EPB41L4A: variants seen among roughly 807,000 people sequenced by gnomAD.
EPB41L4A encodes the protein erythrocyte membrane protein band 4.1 like 4A.
A neutral mutation model predicts 108.6 loss-of-function variants in EPB41L4A; 100 were observed. The observed-to-expected ratio is 0.92, with a 90% confidence interval of 0.78 to 1.09. EPB41L4A has a LOEUF of 1.09. Among genes scored for constraint, EPB41L4A ranks in the 50% least tolerant of loss-of-function variants. EPB41L4A has a pLI of 0.00. For synonymous variants in EPB41L4A, 319 were observed against 289.0 expected (o/e 1.10, Z -1.05); for missense variants, 1,030 against 842.7 (o/e 1.22, Z -2.75).
intron 1 of EPB41L4A, among the ~76,000 whole-genome samples, chr5:112,345,880 A>T (rs1757629536): frequency 6.6e-6 from 1 of 151,714 alleles, no homozygotes; most frequent in Non-Finnish European, 1.5e-5. Flanking sequence ...ATACTACTAC[A>T]TTTTCCAAAT....
chr5:112,408,786 A>G (rs984987180), intron 1 of EPB41L4A, among the ~76,000 whole-genome samples: 1 of 150,876 alleles, frequency 6.6e-6, no homozygotes, highest in Non-Finnish European at 1.5e-5. Flanking sequence ...AATGAACACA[A>G]TAAGATGCTA....
At chr5:112,207,323 A>G (rs1648812937) in intron 13 of EPB41L4A, among the ~76,000 whole-genome samples, 1 of 152,236 alleles carries the variant, frequency 6.6e-6, no homozygotes, top group Admixed American at 6.5e-5. Context: ...CTATGAAAAT[A>G]CATCTTAGAA....
At chr5:112,148,035 A>G (rs1225337384) in intron 12 of EPB41L4A, among the ~76,000 whole-genome samples, 1 of 151,318 alleles carries the variant, frequency 6.6e-6, no homozygotes, top group Non-Finnish European at 1.5e-5. Flanking sequence ...TGAAAAAACA[A>G]AAATAAATTA....
intron 12 of EPB41L4A, among the ~76,000 whole-genome samples, chr5:112,216,374 ATTCC>A (rs1261488343): frequency 2.6e-5 from 4 of 152,230 alleles, no homozygotes; most frequent in African/African-American, 9.6e-5. Flanking sequence ...AAATGTTGCC[ATTCC>A]TTTTAATTTT....
chr5:112,276,089 A>C lies in EPB41L4A; in HGVS notation c.257-685T>G, dbSNP rs765404356. Reference sequence around the variant, plus strand: ...TTCTATCCTTAAACTAATTCATTAGAATTTTCTTATGATAACTCTTACCTT... The same window carrying C: ...TTCTATCCTTAAACTAATTCATTAGCATTTTCTTATGATAACTCTTACCTT... On this transcript the variant is annotated intron_variant, in intron 3 of 22. Transcript: ENST00000261486. 3.3e-5 allele frequency among the ~76,000 whole-genome samples: 5 copies of C among 152,346 alleles called. No homozygotes were observed. The Middle Eastern group carries it at 0.01, about 311-fold the overall frequency.
chr5:112,350,590 A>G (rs1464134197), intron 1 of EPB41L4A, among the ~76,000 whole-genome samples: 1 of 152,180 alleles, frequency 6.6e-6, no homozygotes, highest in African/African-American at 2.4e-5. Context: ...ATCCAACTGC[A>G]TGTTTGTACC....
At chr5:112,243,260 T>C (rs998892590) in intron 9 of EPB41L4A, among the ~76,000 whole-genome samples, 17 of 131,910 alleles carry the variant, frequency 1.3e-4, no homozygotes, top group African/African-American at 1.8e-4. Flanking sequence ...CACACACACA[T>C]ATATATATGT....
chr5:112,193,535 A>T (rs1365541497), intron 17 of EPB41L4A, among the ~76,000 whole-genome samples: 1 of 152,220 alleles, frequency 6.6e-6, no homozygotes, highest in Non-Finnish European at 1.5e-5. Context: ...TCCCAACCTC[A>T]GGTGATCTGC....
chr5:112,262,369 C>CAT (rs137920889), intron 7 of EPB41L4A, 125 bp downstream of exon 7: 9,569 of 751,796 alleles, frequency 0.013, 171 homozygotes, highest in African/African-American at 0.068. Flanking sequence ...GTTAGAAAAA[C>CAT]AGATAAAAAA....
chr5:112,371,027 T>C (rs767747542), intron 1 of EPB41L4A, among the ~76,000 whole-genome samples: 1 of 152,234 alleles, frequency 6.6e-6, no homozygotes, highest in South Asian at 2.1e-4. Flanking sequence ...ATACCTTCTA[T>C]GCACTAAGCA....
At position 112,165,002 on chromosome 5, in the gene EPB41L4A, C is replaced by A; in HGVS notation, c.2049G>T (p.Lys683Asn). 1 of 1,613,596 alleles carries A rather than the reference C, an allele frequency of 6.2e-7. No individual in the cohort carries two copies. The highest frequency in any genetic ancestry group is 8.5e-7 in the Non-Finnish European group (1 of 1,179,880). Residue 683 changes from lysine (K) to asparagine (N), a missense_variant, in exon 23 of 23, where the codon AAG becomes AAT. Transcript: ENST00000261486. ...CCCTTCATCAGGATCAAGTCTCTGT[C>A]TTGAGGCGGGAAGCTTGTATAGTTT... ...TIKTIQASRL[K>N]TET
intron 1 of EPB41L4A, among the ~76,000 whole-genome samples, chr5:112,322,523 G>C (rs1336977656): frequency 1.3e-5 from 2 of 152,114 alleles, no homozygotes; most frequent in South Asian, 2.1e-4. Flanking sequence ...ATCTAAGTCG[G>C]TTCTACTTAG....
intron 1 of EPB41L4A, among the ~76,000 whole-genome samples, chr5:112,347,500 TG>T (rs1484417277): frequency 1.3e-5 from 2 of 152,160 alleles, no homozygotes; most frequent in Non-Finnish European, 2.9e-5. Context: ...CCATATACTA[TG>T]GGCATGACTT....
rs1760037896 is a variant in EPB41L4A at position 112,163,428 on chromosome 5, C to G, written c.*1562G>C. ...TTAAGGCCATGGGTATAAATGAGAT[C>G]TGCTGGTGGTAGAGGAAGAGGGCCT... On this transcript the variant is annotated 3_prime_UTR_variant, in exon 23 of 23. Coordinates refer to ENST00000261486, the MANE Select transcript of EPB41L4A (RefSeq NM_022140.5). 6.6e-6 allele frequency: 1 copy of G among 152,178 alleles called. No individual in the cohort carries two copies. Among genetic ancestry groups the G allele is most frequent in the African/African-American group, 2.4e-5 (1 of 41,440 alleles). The allele number at this position is 152,178 out of a possible 1,614,324, so 9.4% of individuals were successfully genotyped here.
chr5:112,416,269 T>C (rs1762715763), intron 1 of EPB41L4A, among the ~76,000 whole-genome samples: 1 of 152,146 alleles, frequency 6.6e-6, no homozygotes, highest in African/African-American at 2.4e-5. Context: ...ACCAAGATTC[T>C]CTCATATTTC....
chr5:112,180,626 G>A (rs1428638940), intron 18 of EPB41L4A, among the ~76,000 whole-genome samples: 2 of 144,738 alleles, frequency 1.4e-5, no homozygotes, highest in African/African-American at 2.5e-5. Context: ...CTATCTTTGT[G>A]ACCATGAGGT....
intron 11 of EPB41L4A, among the ~76,000 whole-genome samples, chr5:112,235,349 C>A (rs1366846421): frequency 6.6e-6 from 1 of 152,128 alleles, no homozygotes; most frequent in Non-Finnish European, 1.5e-5. Flanking sequence ...TGGGGCTGGG[C>A]CAAACTTCTC....
chr5:112,365,297 C>T (rs1283995316), intron 1 of EPB41L4A, among the ~76,000 whole-genome samples: 1 of 152,166 alleles, frequency 6.6e-6, no homozygotes, highest in Middle Eastern at 3.2e-3. Context: ...AACTCCTAGA[C>T]TGTAATCCTC....
chr5:112,218,191 G>A (rs1339760169), intron 12 of EPB41L4A, among the ~76,000 whole-genome samples: 2 of 152,200 alleles, frequency 1.3e-5, no homozygotes, highest in African/African-American at 4.8e-5. Context: ...GAACTTCAAA[G>A]GAGTAGGATG....
Sources: gnomAD v4.1 joint callset for allele counts (sites outside exome capture counted in the v4.1 genomes callset) on GRCh38, gnomAD v4.1.1 for gene constraint, MANE v1.5 for transcripts, NCBI Gene and HGNC (gene_info 2026-07-23, HGNC 2026-07-21) for gene names.